EXOC4: variants seen among roughly 807,000 people sequenced by gnomAD.
EXOC4 encodes exocyst complex component 4.
A neutral mutation model predicts 107.2 loss-of-function variants in EXOC4; 71 were observed. The ratio of observed to expected loss-of-function variants is 0.66; its 90% CI spans 0.55 to 0.81. EXOC4 has a LOEUF of 0.81. Among genes scored for constraint, EXOC4 ranks in the 30% least tolerant of loss-of-function variants. The pLI is 0.00. For synonymous variants in EXOC4, 456 were observed against 441.2 expected, an observed-to-expected ratio of 1.03 and a Z score of -0.42; for missense variants, 1,108 against 1,189.6, an observed-to-expected ratio of 0.93 and a Z score of 1.01.
chr7:133,847,664 T>A (rs1287701470), intron 11 of EXOC4, among the ~76,000 whole-genome samples: 1 of 144,756 alleles, frequency 6.9e-6, no homozygotes, highest in African/African-American at 2.6e-5. Context: ...GGATTACAGG[T>A]GTGAGTCACT....
chr7:133,935,259 C>G (rs1187976980), intron 13 of EXOC4, among the ~76,000 whole-genome samples: 1 of 152,122 alleles, frequency 6.6e-6, no homozygotes, highest in Non-Finnish European at 1.5e-5. Flanking sequence ...AAAAGAGTCT[C>G]TGCCAACTAA....
chr7:133,684,742 C>T (rs1046762782), intron 10 of EXOC4, among the ~76,000 whole-genome samples: 2 of 152,050 alleles, frequency 1.3e-5, no homozygotes, highest in Non-Finnish European at 2.9e-5. Context: ...AAAGAGGAAA[C>T]TAAAAACCAG....
chr7:133,591,794 G>A (rs539653003), intron 9 of EXOC4, among the ~76,000 whole-genome samples: 88 of 152,286 alleles, frequency 5.8e-4, no homozygotes, highest in Non-Finnish European at 7.8e-4. Context: ...TTTGTGGAAC[G>A]AATGCATGTA....
intron 2 of EXOC4, among the ~76,000 whole-genome samples, chr7:133,279,806 G>A (rs975920420): frequency 2.6e-5 from 4 of 151,926 alleles, no homozygotes; most frequent in South Asian, 2.1e-4. Flanking sequence ...GGCGTGAGCC[G>A]CTGTGCCTGG....
At chr7:134,055,256 G>T (rs1012433685) in intron 17 of EXOC4, among the ~76,000 whole-genome samples, 2 of 152,154 alleles carry the variant, frequency 1.3e-5, no homozygotes, top group Non-Finnish European at 2.9e-5. Flanking sequence ...AGGAATCAGG[G>T]TTTGAGTGAC....
chr7:133,771,423 G>T (rs1796242334), intron 10 of EXOC4: 2 of 151,896 alleles, frequency 1.3e-5, no homozygotes, highest in Admixed American at 1.3e-4. Flanking sequence ...TAACCCCCTA[G>T]TTAGAGGACA....
intron 9 of EXOC4, among the ~76,000 whole-genome samples, chr7:133,527,428 TAAA>T (rs1052370735): frequency 1.3e-5 from 2 of 152,040 alleles, no homozygotes; most frequent in African/African-American, 4.8e-5. Flanking sequence ...ATAAAATAAA[TAAA>T]AATATGTATT....
At chr7:133,455,404 G>T (rs1044741809) in intron 7 of EXOC4, among the ~76,000 whole-genome samples, 7 of 152,272 alleles carry the variant, frequency 4.6e-5, no homozygotes, top group African/African-American at 1.4e-4. Context: ...GGGAGGTGGG[G>T]ATGGGACTGC....
Position 133,317,213 on chromosome 7 carries a change from G to A in EXOC4, c.657-71G>A, listed in dbSNP as rs956308666. The A allele has an allele frequency of 1.5e-5, 15 of 1,011,080 alleles. No individual in the cohort carries two copies. The Admixed American group carries it at 2.5e-4, about 17-fold the overall frequency. The allele number at this position is 1,011,080 out of a possible 1,614,324, so 62.6% of individuals were successfully genotyped here. On this transcript the variant is annotated intron_variant, in intron 4 of 17. Transcript: ENST00000253861. The stretch of plus-strand genomic sequence containing the variant: ...CATGACAAAAACAAAAGTGGTAAGG[G>A]TGGGGCTGTAGTGGGAGGACTTTAG...
At position 133,325,275 on chromosome 7, in the gene EXOC4, C is replaced by CTAGT; in HGVS notation, c.763+7886_763+7887insAGTT. 2.6e-5 allele frequency among the ~76,000 whole-genome samples: 4 copies of CTAGT among 152,286 alleles called. No homozygotes were observed. In the South Asian group the frequency reaches 8.3e-4, roughly 32 times the overall value. ...ATTATGATGTTAGCTGGTTATTTTG[C>CTAGT]TTGTTAGTTGATGCAGTTGCTTCCT... On this transcript the variant is annotated intron_variant, in intron 5 of 17. Transcript: ENST00000253861.
chr7:133,678,856 G>A (rs1303781324), intron 10 of EXOC4, among the ~76,000 whole-genome samples: 2 of 152,060 alleles, frequency 1.3e-5, no homozygotes, highest in Non-Finnish European at 2.9e-5. Flanking sequence ...CTGGGCTCAA[G>A]CATTCTCCCC....
intron 11 of EXOC4, among the ~76,000 whole-genome samples, chr7:133,863,613 G>T (rs1427630834): frequency 6.6e-6 from 1 of 152,138 alleles, no homozygotes; most frequent in Non-Finnish European, 1.5e-5. Context: ...TGATTTAGGT[G>T]GTGGTTATAT....
chr7:134,058,940 T>G (rs186685579), intron 17 of EXOC4, among the ~76,000 whole-genome samples: 1 of 152,290 alleles, frequency 6.6e-6, no homozygotes, highest in East Asian at 1.9e-4. Flanking sequence ...GAAATGCACC[T>G]AAAAGCTAGA....
rs1437077005 is a variant in EXOC4 at position 133,447,575 on chromosome 7, G to C, written c.1183-27753G>C. 2.0e-5 allele frequency among the ~76,000 whole-genome samples: 3 copies of C among 151,664 alleles called. No individual in the cohort carries two copies. In the South Asian group the frequency reaches 6.3e-4, roughly 32 times the overall value. On this transcript the variant is annotated intron_variant, in intron 7 of 17. Coordinates refer to ENST00000253861, the MANE Select transcript of EXOC4 (RefSeq NM_021807.4). ...AATTATAAAATTTTCAACATATTGG[G>C]AGTACAAAATTCTATGTGCTTATTT... is the stretch of plus-strand genomic sequence containing the variant.
At chr7:133,665,104 T>TA (rs1388207673) in intron 10 of EXOC4, among the ~76,000 whole-genome samples, 1 of 152,184 alleles carries the variant, frequency 6.6e-6, no homozygotes, top group Non-Finnish European at 1.5e-5. Context: ...TGCAAATTGT[T>TA]ATGTTGAATT....
intron 9 of EXOC4, among the ~76,000 whole-genome samples, chr7:133,485,725 G>A (rs548590279): frequency 2.6e-5 from 4 of 152,128 alleles, no homozygotes; most frequent in South Asian, 4.2e-4. Flanking sequence ...TGAATTAGGC[G>A]CTTTAAGACA....
intron 10 of EXOC4, among the ~76,000 whole-genome samples, chr7:133,706,821 CTCT>C (rs368236104): frequency 5.9e-5 from 9 of 152,250 alleles, no homozygotes; most frequent in African/African-American, 2.2e-4. Context: ...GTACCTGTCT[CTCT>C]TCTTCTTTGC....
At chr7:133,257,387 T>A (rs1795044476) in intron 1 of EXOC4, among the ~76,000 whole-genome samples, 1 of 148,760 alleles carries the variant, frequency 6.7e-6, no homozygotes, top group African/African-American at 2.5e-5. Context: ...CACACACACG[T>A]GCACACACAC....
intron 7 of EXOC4, among the ~76,000 whole-genome samples, chr7:133,388,022 A>G (rs1197142012): frequency 6.6e-6 from 1 of 150,488 alleles, no homozygotes; most frequent in East Asian, 2.0e-4. Flanking sequence ...AAAAAAAAAG[A>G]TTGAATACTT....
Sources: gnomAD v4.1 joint callset for allele counts (sites outside exome capture counted in the v4.1 genomes callset) on GRCh38, gnomAD v4.1.1 for gene constraint, MANE v1.5 for transcripts, NCBI Gene and HGNC (gene_info 2026-07-23, HGNC 2026-07-21) for gene names.